The following PVT1 variants were observed in gnomAD, a reference collection of about 807,000 sequenced individuals.
The protein encoded by PVT1 is CXCR4/PVT1 fusion.
chr8:127,998,842 TCC>T (rs1817140068), intron 4 of PVT1, among the ~76,000 whole-genome samples: 1 of 145,592 alleles, frequency 6.9e-6, no homozygotes. Context: ...CTTCCTTCCT[TCC>T]TTCCCTCCCT....
At chr8:127,878,721 A>T (rs192930726) in intron 2 of PVT1, among the ~76,000 whole-genome samples, 84 of 152,318 alleles carry the variant, frequency 5.5e-4, no homozygotes, top group Non-Finnish European at 9.6e-4. Flanking sequence ...TATTCCCATA[A>T]CTTTTAGGTG....
intron 4 of PVT1, among the ~76,000 whole-genome samples, chr8:128,047,229 A>C (rs1200936719): frequency 2.0e-5 from 3 of 152,064 alleles, no homozygotes; most frequent in Admixed American, 2.0e-4. Context: ...GTGTTCTTGA[A>C]TCTCTCAGAG....
At chr8:128,067,699 G>T (rs545506254) in intron 4 of PVT1, among the ~76,000 whole-genome samples, 1 of 152,208 alleles carries the variant, frequency 6.6e-6, no homozygotes, top group South Asian at 2.1e-4. Context: ...CCAGGCCTGG[G>T]CTGGAGAACT....
intron 2 of PVT1, among the ~76,000 whole-genome samples, chr8:127,797,771 ACTT>A (rs1409617739): frequency 6.6e-5 from 10 of 152,310 alleles, no homozygotes; most frequent in East Asian, 3.9e-4. Context: ...GCAATGGTAG[ACTT>A]CTTGTTGTGG....
chr8:127,829,338 A>G (rs1814825871), intron 2 of PVT1, among the ~76,000 whole-genome samples: 1 of 152,186 alleles, frequency 6.6e-6, no homozygotes, highest in Non-Finnish European at 1.5e-5. Context: ...ACACATGTGT[A>G]TATATGAGAT....
intron 2 of PVT1, among the ~76,000 whole-genome samples, chr8:127,811,086 C>G (rs997748272): frequency 1.3e-5 from 2 of 152,046 alleles, no homozygotes; most frequent in Non-Finnish European, 2.9e-5. Flanking sequence ...GGCAAACCAG[C>G]GGGTCCCTCT....
intron 4 of PVT1, among the ~76,000 whole-genome samples, chr8:128,032,060 G>T (rs1813398043): frequency 2.6e-5 from 4 of 152,178 alleles, no homozygotes; most frequent in Admixed American, 2.6e-4. Flanking sequence ...GCTTCTTGCT[G>T]GGATTTCAAA....
At chr8:128,079,621 C>T (rs1173832732) in intron 5 of PVT1, among the ~76,000 whole-genome samples, 1 of 152,202 alleles carries the variant, frequency 6.6e-6, no homozygotes, top group Non-Finnish European at 1.5e-5. Context: ...TATCTCTCCT[C>T]ATTACTCCCT....
intron 3 of PVT1, among the ~76,000 whole-genome samples, chr8:127,978,856 A>T (rs1375539127): frequency 1.3e-5 from 2 of 152,124 alleles, no homozygotes; most frequent in Admixed American, 6.5e-5. Flanking sequence ...AGTGGCAGAA[A>T]CATAACTCAG....
chr8:128,090,027 AG>A (rs1814330778), intron 5 of PVT1, among the ~76,000 whole-genome samples: 2 of 152,374 alleles, frequency 1.3e-5, no homozygotes, highest in South Asian at 4.1e-4. Context: ...TTTATTTCAA[AG>A]GATTGCAAAG....
chr8:128,022,135 C>G (rs1453983900), intron 4 of PVT1, among the ~76,000 whole-genome samples: 2 of 152,186 alleles, frequency 1.3e-5, no homozygotes, highest in African/African-American at 4.8e-5. Context: ...CCCTGTTTGG[C>G]CTTTTCTTTC....
chr8:127,974,456 C>T (rs536878420), intron 3 of PVT1, among the ~76,000 whole-genome samples: 2 of 152,158 alleles, frequency 1.3e-5, no homozygotes, highest in Admixed American at 1.3e-4. Flanking sequence ...TCACTCTCAC[C>T]CAGGCTGGAG....
chr8:128,062,282 A>C (rs1813840568), intron 4 of PVT1, among the ~76,000 whole-genome samples: 1 of 152,198 alleles, frequency 6.6e-6, no homozygotes, highest in Non-Finnish European at 1.5e-5. Flanking sequence ...CCTACTCTTC[A>C]TTTTCATCTA....
chr8:127,880,868 G>A (rs764279592), intron 2 of PVT1, among the ~76,000 whole-genome samples: 1 of 152,220 alleles, frequency 6.6e-6, no homozygotes, highest in African/African-American at 2.4e-5. Context: ...CAACGTGCTG[G>A]GATTACAGGC....
At chr8:127,914,815 GT>G (rs1181623236) in intron 3 of PVT1, among the ~76,000 whole-genome samples, 5,052 of 130,774 alleles carry the variant, frequency 0.039, 255 homozygotes, top group African/African-American at 0.14. Context: ...GTTGTTGTTG[GT>G]TTTTTTTTTT....
intron 3 of PVT1, among the ~76,000 whole-genome samples, chr8:127,908,153 A>G (rs1815845628): frequency 6.6e-6 from 1 of 151,868 alleles, no homozygotes; most frequent in Non-Finnish European, 1.5e-5. Flanking sequence ...AGTCAAGGAG[A>G]CATATGGCAC....
chr8:127,956,726 G>A (rs933642152), intron 3 of PVT1, among the ~76,000 whole-genome samples: 49 of 152,300 alleles, frequency 3.2e-4, no homozygotes, highest in African/African-American at 1.1e-3. Flanking sequence ...CTCGTGATCC[G>A]CCTACCTTGG....
At chr8:128,089,339 A>T (rs991792341) in intron 5 of PVT1, among the ~76,000 whole-genome samples, 2 of 152,120 alleles carry the variant, frequency 1.3e-5, no homozygotes, top group Non-Finnish European at 2.9e-5. Context: ...AATGTGAAGG[A>T]AGGGGCAGGA....
At chr8:128,075,971 T>G (rs2130142890) in intron 5 of PVT1, among the ~76,000 whole-genome samples, 1 of 152,360 alleles carries the variant, frequency 6.6e-6, no homozygotes, top group East Asian at 1.9e-4. Flanking sequence ...GCCTTAGAAA[T>G]TATATCAAAC....
Sources: allele counts gnomAD v4.1 joint callset (sites outside exome capture counted in the v4.1 genomes callset), GRCh38; gene constraint gnomAD v4.1.1; transcripts MANE v1.5; gene names NCBI Gene and HGNC (gene_info 2026-07-23, HGNC 2026-07-21).